The following AHCYL2 variants were observed in gnomAD, a reference collection of about 807,000 sequenced individuals.
AHCYL2 encodes the protein S-adenosylhomocysteine hydrolase-like protein 2.
Under a neutral mutation model 81.4 loss-of-function variants are expected in AHCYL2, and 28 were observed. The observed-to-expected ratio is 0.34, with a 90% CI of 0.25 to 0.47. AHCYL2 has a LOEUF of 0.47. Ranked by LOEUF, AHCYL2 falls within the 20% of genes least tolerant of loss-of-function variation. The pLI is 1.00. For synonymous variants in AHCYL2, 272 were observed against 290.2 expected (o/e 0.94, Z 0.64); for missense variants, 551 against 785.1 (o/e 0.70, Z 3.56).
intron 11 of AHCYL2, chr7:129,410,435 GTC>G (rs1796512725): frequency 3.4e-6 from 5 of 1,474,576 alleles, no homozygotes; most frequent in Non-Finnish European, 3.8e-6. Context: ...TATCCTCAGC[GTC>G]CAAACAGATC....
At chr7:129,385,265 C>T (rs191492931) in intron 2 of AHCYL2, among the ~76,000 whole-genome samples, 6 of 152,238 alleles carry the variant, frequency 3.9e-5, no homozygotes, top group East Asian at 1.9e-4. Flanking sequence ...TGCTATAACC[C>T]GACACACAGG....
At chr7:129,281,646 C>T (rs1227143893) in intron 1 of AHCYL2, among the ~76,000 whole-genome samples, 1 of 151,752 alleles carries the variant, frequency 6.6e-6, no homozygotes, top group African/African-American at 2.4e-5. Flanking sequence ...ACATGCCTGG[C>T]ACCACCATCC....
chr7:129,348,965 T>C (rs1793456116), intron 1 of AHCYL2, among the ~76,000 whole-genome samples: 1 of 152,256 alleles, frequency 6.6e-6, no homozygotes, highest in African/African-American at 2.4e-5. Context: ...GCTGTTTTGC[T>C]ATTTTATGTT....
chr7:129,252,387 G>A (rs1010903193), intron 1 of AHCYL2, among the ~76,000 whole-genome samples: 15 of 152,146 alleles, frequency 9.9e-5, no homozygotes, highest in African/African-American at 3.4e-4. Context: ...TAAGATCATC[G>A]GGTTAAACCA....
In AHCYL2 at chr7:129,378,414, T is replaced by C. The variant is rs559025516; in HGVS notation, c.364-1224T>C. 3.3e-5 allele frequency among the ~76,000 whole-genome samples: 5 copies of C among 152,308 alleles called. No individual in the cohort carries two copies. In the South Asian group the frequency reaches 1.0e-3, roughly 32 times the overall value. On this transcript the variant is annotated intron_variant, in intron 1 of 16. Coordinates refer to ENST00000325006, the MANE Select transcript of AHCYL2 (RefSeq NM_015328.4). ...GCTACCTGCAAGAGTTACGAGAGCA[T>C]TGAACCGTAGGGGTTGGGTAGGGAG...
At chr7:129,305,085 T>C (rs1192689912) in intron 1 of AHCYL2, among the ~76,000 whole-genome samples, 1 of 152,194 alleles carries the variant, frequency 6.6e-6, no homozygotes, top group East Asian at 1.9e-4. Flanking sequence ...CCATGAAGTT[T>C]GCAAATAATA....
At chr7:129,228,842 A>C (rs1417218388) in intron 1 of AHCYL2, among the ~76,000 whole-genome samples, 1 of 152,236 alleles carries the variant, frequency 6.6e-6, no homozygotes, top group Non-Finnish European at 1.5e-5. Context: ...TGTTGCTGTC[A>C]GGAGAGAATG....
chr7:129,234,367 C>T (rs907193101), intron 1 of AHCYL2, among the ~76,000 whole-genome samples: 1 of 152,166 alleles, frequency 6.6e-6, no homozygotes, highest in Non-Finnish European at 1.5e-5. Context: ...GCCTCGGCCT[C>T]TCAAGTAGCT....
rs1164343147 is a variant in AHCYL2, at chr7:129,397,254, C to T, written c.753C>T (p.Ala251=). ...TGGAAACTCTGGGTGCTCTGGGGGC[C>T]CAGTGCCGATGGGCTGCCTGCAACA... ...VLMETLGALG[A]QCRWAACNIY... The change falls in exon 5 of 17, where the codon GCC becomes GCT. Residue 251 remains alanine (A), a synonymous_variant. Transcript: ENST00000325006. 2 of 1,614,092 alleles carry T rather than the reference C, an allele frequency of 1.2e-6. No homozygotes were observed. Among genetic ancestry groups the T allele is most frequent in the East Asian group, 2.2e-5 (1 of 44,878 alleles).
In AHCYL2 at chr7:129,406,408, G is replaced by T; in HGVS notation, c.1237G>T (p.Ala413Ser). The change falls in exon 10 of 17, where the codon GCC (alanine) becomes TCC (serine). Residue 413 changes from alanine to serine, a missense_variant. Transcript: ENST00000325006. The surrounding 1 kb of genome is among the most constrained non-coding windows in gnomAD (Gnocchi z 4.3). ...VGKGCCAALK[A>S]MGSIVYVTEI... ...GAAAGGGTGCTGTGCTGCCCTGAAA[G>T]CCATGGGCTCCATTGTGTATGTAAC... is the stretch of plus-strand genomic sequence containing the variant. 5 of 1,614,006 alleles carry T rather than the reference G, an allele frequency of 3.1e-6. No individual in the cohort carries two copies. The highest frequency in any genetic ancestry group is 4.2e-6 in the Non-Finnish European group (5 of 1,179,992).
chr7:129,286,758 G>GC (rs1796645479), intron 1 of AHCYL2, among the ~76,000 whole-genome samples: 1 of 151,798 alleles, frequency 6.6e-6, no homozygotes, highest in Admixed American at 6.6e-5. Flanking sequence ...ACCACTTCCA[G>GC]CTCCTTTACA....
At chr7:129,260,237 A>T (rs1220149825) in intron 1 of AHCYL2, among the ~76,000 whole-genome samples, 1 of 152,204 alleles carries the variant, frequency 6.6e-6, no homozygotes, top group Non-Finnish European at 1.5e-5. Context: ...TCAGATCACA[A>T]CAGATACTCT....
In AHCYL2 at chr7:129,426,959, C is replaced by A; in HGVS notation, c.1830-80C>A. 2 of 1,435,832 alleles carry A rather than the reference C, an allele frequency of 1.4e-6. No individual in the cohort carries two copies. The highest frequency in any genetic ancestry group is 1.9e-6 in the Non-Finnish European group (2 of 1,026,272). The allele number at this position is 1,435,832 out of a possible 1,614,324, so 88.9% of individuals were successfully genotyped here. On this transcript the variant is annotated intron_variant, in intron 16 of 16. Coordinates refer to ENST00000325006, the MANE Select transcript of AHCYL2 (RefSeq NM_015328.4). The surrounding 1 kb of genome is among the most constrained non-coding windows in gnomAD (Gnocchi z 4.3). ...CAGAAAAGTCTCTGCCTCCCTGTTA[C>A]ACCTTTAGGCAGGCTCTTCATGTCC...
At chr7:129,296,962 C>T (rs908062690) in intron 1 of AHCYL2, among the ~76,000 whole-genome samples, 14 of 152,124 alleles carry the variant, frequency 9.2e-5, no homozygotes, top group African/African-American at 3.1e-4. Context: ...GGAGTCCTTA[C>T]CCTTGCTTGG....
intron 1 of AHCYL2, among the ~76,000 whole-genome samples, chr7:129,330,674 G>T (rs1038401076): frequency 4.6e-5 from 7 of 151,330 alleles, no homozygotes; most frequent in Middle Eastern, 3.4e-3. Flanking sequence ...TGTTAGCCAG[G>T]ATAGTATCCA....
At chr7:129,397,705 C>G (rs1795811945) in intron 5 of AHCYL2, among the ~76,000 whole-genome samples, 1 of 152,170 alleles carries the variant, frequency 6.6e-6, no homozygotes, top group Admixed American at 6.5e-5. Flanking sequence ...TTTGCCCTGA[C>G]TTAATGTTTG....
intron 1 of AHCYL2, among the ~76,000 whole-genome samples, chr7:129,364,615 T>C (rs745652791): frequency 5.3e-5 from 8 of 151,996 alleles, no homozygotes; most frequent in Non-Finnish European, 1.2e-4. Flanking sequence ...TTTTTTAAAA[T>C]TATTATTGTT....
rs1239346501 is a variant in AHCYL2 at position 129,379,755 on chromosome 7, T to A, written c.475+6T>A. On this transcript the variant is annotated splice_donor_region_variant and intron_variant, in intron 2 of 16. Transcript: ENST00000325006. ...TACTGACAGCTACAGCTCAGGTGAG[T>A]ACTGAACTGCTGTGGACCCAGCTGT... 3.1e-6 allele frequency: 5 copies of A among 1,610,640 alleles called. No homozygotes were observed. The highest frequency in any genetic ancestry group is 4.2e-6 in the Non-Finnish European group (5 of 1,177,380).
At chr7:129,242,732 A>C (rs1794908944) in intron 1 of AHCYL2, among the ~76,000 whole-genome samples, 1 of 151,952 alleles carries the variant, frequency 6.6e-6, no homozygotes, top group African/African-American at 2.4e-5. Context: ...AAAAAAAAAA[A>C]AATTGCCTGT....
Sources: gnomAD v4.1 joint callset for allele counts (sites outside exome capture counted in the v4.1 genomes callset) on GRCh38, gnomAD v4.1.1 for gene constraint, Gnocchi (gnomAD v3.1) non-coding constraint, MANE v1.5 for transcripts, NCBI Gene and HGNC (gene_info 2026-07-23, HGNC 2026-07-21) for gene names.